The following RNASEH2B variants were observed in gnomAD, a reference collection of about 807,000 sequenced individuals.
RNASEH2B encodes the protein ribonuclease H2 subunit B.
A neutral mutation model predicts 45.0 loss-of-function variants in RNASEH2B; 36 were observed. The ratio of observed to expected loss-of-function variants is 0.80; its 90% CI spans 0.61 to 1.06. The LOEUF (loss-of-function observed/expected upper bound fraction) is 1.06, where lower values mean the gene tolerates loss of function less well. RNASEH2B is among the 50% of genes least tolerant of loss of function. The pLI, the probability that RNASEH2B is intolerant of heterozygous loss-of-function variation, is 0.00. For synonymous variants in RNASEH2B, 119 were observed against 125.7 expected, an observed-to-expected ratio of 0.95 and a Z score of 0.35; for missense variants, 361 against 360.3, an observed-to-expected ratio of 1.00 and a Z score of -0.02.
At chr13:50,966,387 TCTTA>T (rs1315347986) in intron 9 of RNASEH2B, among the ~76,000 whole-genome samples, 6 of 152,206 alleles carry the variant, frequency 3.9e-5, no homozygotes, top group African/African-American at 1.4e-4. Context: ...CCTTTGCTTC[TCTTA>T]CTTACATCAT....
intron 1 of RNASEH2B, chr13:50,911,016 G>T (rs561354537): frequency 6.6e-6 from 1 of 152,094 alleles, no homozygotes; most frequent in African/African-American, 2.4e-5. Context: ...TACATGACAG[G>T]CTGTCAATAA....
rs377417708 is a variant in RNASEH2B, at chr13:50,927,437, A to G, written c.95A>G (p.Lys32Arg). 6.2e-7 allele frequency: 1 copy of G among 1,601,360 alleles called. No homozygotes were observed. Among genetic ancestry groups the G allele is most frequent in the African/African-American group, 1.3e-5 (1 of 74,620 alleles). Residue 32 changes from lysine (K) to arginine (R), a missense_variant, in exon 2 of 11, where the codon AAA becomes AGA. Transcript: ENST00000336617. ...TTAAAAGATGCTTCAAAGAAGATGAAAAATGGGCTAATGTTTGTAAAACTG... is the reference window on the plus strand; with the variant it reads ...TTAAAAGATGCTTCAAAGAAGATGAGAAATGGGCTAATGTTTGTAAAACTG... Reference protein sequence around the residue: ...EYLKDASKKMKNGLMFVKLVN... With the variant: ...EYLKDASKKMRNGLMFVKLVN...
rs1426381002 is a variant in RNASEH2B, at chr13:50,945,514, G to C, written c.598G>C (p.Ala200Pro). The C allele has an allele frequency of 6.2e-7, 1 of 1,612,032 alleles. No homozygotes were observed. Among genetic ancestry groups the C allele is most frequent in the African/African-American group, 1.3e-5 (1 of 74,886 alleles). The change falls in exon 7 of 11, where the codon GCT becomes CCT. Residue 200 changes from alanine to proline, a missense_variant. By Grantham distance (27) the Ala-to-Pro change is conservative (BLOSUM62 -1). Coordinates refer to ENST00000336617, the MANE Select transcript of RNASEH2B (RefSeq NM_024570.4). ...AACTGCATTTTTCTCTGGTGACCAAGCTTCCACTGACAAGGAAGGTAAGTA... is the reference window on the plus strand; with the variant it reads ...AACTGCATTTTTCTCTGGTGACCAACCTTCCACTGACAAGGAAGGTAAGTA... ...QSTAFFSGDQASTDKEEDYIR... is the reference protein window; with the variant it reads ...QSTAFFSGDQPSTDKEEDYIR...
intron 1 of RNASEH2B, chr13:50,910,845 CTTTTT>C (rs1412238591): frequency 6.6e-6 from 1 of 152,176 alleles, no homozygotes; most frequent in Non-Finnish European, 1.5e-5. Flanking sequence ...AAGGTTTGGT[CTTTTT>C]ATATATGTAA....
chr13:50,939,617 C>G (rs1951809460), intron 5 of RNASEH2B, among the ~76,000 whole-genome samples: 1 of 151,306 alleles, frequency 6.6e-6, no homozygotes, highest in Non-Finnish European at 1.5e-5. Context: ...AGAAATAAAC[C>G]CACACTTATA....
chr13:50,969,352 C>G (rs1419450811), intron 9 of RNASEH2B, among the ~76,000 whole-genome samples: 1 of 151,800 alleles, frequency 6.6e-6, no homozygotes, highest in African/African-American at 2.4e-5. Context: ...TTATTTTTAA[C>G]TTTGCACTCA....
downstream of RNASEH2B, chr13:50,960,069 A>G (rs1040097447): frequency 2.7e-5 from 15 of 551,046 alleles, no homozygotes; most frequent in African/African-American, 1.4e-4. Flanking sequence ...TTCATCTTCA[A>G]TAGGTTCTAG....
chr13:50,913,218 A>G (rs191472746), intron 1 of RNASEH2B: 3 of 152,358 alleles, frequency 2.0e-5, no homozygotes, highest in Admixed American at 1.3e-4. Context: ...TTTAATTTCT[A>G]TAAGAGGCCA....
At chr13:50,911,236 G>A (rs1366594764) in intron 1 of RNASEH2B, 2 of 152,190 alleles carry the variant, frequency 1.3e-5, no homozygotes, top group Non-Finnish European at 2.9e-5. Flanking sequence ...TTGCCTGTTT[G>A]AATAAGAGTG....
chr13:50,929,348 A>T, intron 2 of RNASEH2B, 127 bp from the exon 3 acceptor site: 1 of 695,172 alleles, frequency 1.4e-6, no homozygotes, highest in Non-Finnish European at 2.6e-6. Context: ...TTTTTAGAAT[A>T]GACCTGTGTA....
Position 50,948,193 on chromosome 13 carries a change from A to G in RNASEH2B, c.698+125A>G, listed in dbSNP as rs80155162. 3,467 of 1,476,508 alleles carry G rather than the reference A, an allele frequency of 2.3e-3. 63 individuals carry two copies. The African/African-American group carries it at 0.044, about 19-fold the overall frequency. The allele number at this position is 1,476,508 out of a possible 1,614,324, so 91.5% of individuals were successfully genotyped here. ...TACAAGATTATTCTTCAGCTATGTC[A>G]TATACTTTGTGCTTTGGGGATGATT... On this transcript the variant is annotated intron_variant, in intron 8 of 10. Coordinates refer to ENST00000336617, the MANE Select transcript of RNASEH2B (RefSeq NM_024570.4).
chr13:50,946,055 G>A (rs1372532763), intron 7 of RNASEH2B, among the ~76,000 whole-genome samples: 1 of 152,116 alleles, frequency 6.6e-6, no homozygotes, highest in African/African-American at 2.4e-5. Context: ...TTCTTCTCAA[G>A]ATGCATGTTT....
chr13:50,939,414 G>A (rs1198250861), intron 5 of RNASEH2B, among the ~76,000 whole-genome samples: 2 of 151,906 alleles, frequency 1.3e-5, no homozygotes, highest in Non-Finnish European at 2.9e-5. Context: ...CAACTATTTG[G>A]GAGGCTGAGG....
intron 9 of RNASEH2B, among the ~76,000 whole-genome samples, chr13:50,968,341 A>G (rs574920057): frequency 6.6e-6 from 1 of 152,270 alleles, no homozygotes; most frequent in South Asian, 2.1e-4. Context: ...TCAAGGTTAC[A>G]GTGGACTATG....
intron 9 of RNASEH2B, among the ~76,000 whole-genome samples, chr13:50,962,911 C>CT (rs1464134888): frequency 6.6e-6 from 1 of 151,932 alleles, no homozygotes; most frequent in East Asian, 1.9e-4. Context: ...TCTTTAAATA[C>CT]CTTTTTCCAT....
chr13:50,909,976 C>T lies in RNASEH2B; in HGVS notation c.-101C>T. On this transcript the variant is annotated 5_prime_UTR_variant, in exon 1 of 11. Coordinates refer to ENST00000336617, the MANE Select transcript of RNASEH2B (RefSeq NM_024570.4). ...GGGCGCTGCCGGTCCCTCAGCGCGCCGCGCCACCCGGAACAGACCCTTCTC... is the reference window on the plus strand; with the variant it reads ...GGGCGCTGCCGGTCCCTCAGCGCGCTGCGCCACCCGGAACAGACCCTTCTC... The T allele has an allele frequency of 2.8e-6, 3 of 1,067,286 alleles. No individual in the cohort carries two copies. The highest frequency in any genetic ancestry group is 3.9e-6 in the Non-Finnish European group (3 of 775,744). The allele number at this position is 1,067,286 out of a possible 1,614,324, so 66.1% of individuals were successfully genotyped here. A position where few individuals can be genotyped will look rare whatever the true frequency, so the allele number is the denominator to read the frequency against.
At chr13:50,961,669 A>G (rs1191585879), downstream of RNASEH2B, among the ~76,000 whole-genome samples, 1 of 152,162 alleles carries the variant, frequency 6.6e-6, no homozygotes, top group Admixed American at 6.5e-5. Flanking sequence ...GGCAGTAGGT[A>G]TGCTCATTGC....
chr13:50,928,097 A>AT (rs1951624428), intron 2 of RNASEH2B, among the ~76,000 whole-genome samples: 1 of 151,966 alleles, frequency 6.6e-6, no homozygotes, highest in Non-Finnish European at 1.5e-5. Context: ...TTGTCTTCAC[A>AT]TTTTTTAGGC....
chr13:50,912,665 A>G (rs1167593247), intron 1 of RNASEH2B: 1 of 152,244 alleles, frequency 6.6e-6, no homozygotes, highest in Non-Finnish European at 1.5e-5. Flanking sequence ...AGGGAGCACC[A>G]TACTCCAGTA....
Sources: allele counts gnomAD v4.1 joint callset (sites outside exome capture counted in the v4.1 genomes callset), GRCh38; gene constraint gnomAD v4.1.1; transcripts MANE v1.5; gene names NCBI Gene and HGNC (gene_info 2026-07-23, HGNC 2026-07-21).